The following TRPV1 variants were observed in gnomAD, a reference collection of about 807,000 sequenced individuals.
The protein encoded by TRPV1 is transient receptor potential cation channel subfamily V member 1, also known as OTRPC1.
Under a neutral mutation model 82.3 loss-of-function variants are expected in TRPV1, and 82 were observed. That is an observed-to-expected ratio of 1.00 (90% CI 0.83 to 1.20). TRPV1 has a LOEUF of 1.20. Ranked by LOEUF, TRPV1 falls within the 50% of genes most tolerant of loss-of-function variation. The pLI is 0.00. For missense variants in TRPV1, 1,067 were observed against 1,096.8 expected, an observed-to-expected ratio of 0.97 and a Z score of 0.38; for synonymous variants, 515 against 467.7, an observed-to-expected ratio of 1.10 and a Z score of -1.30.
chr17:3,584,048 A>T (rs1424118598), intron 9 of TRPV1, among the ~76,000 whole-genome samples: 2 of 151,866 alleles, frequency 1.3e-5, no homozygotes, highest in African/African-American at 4.8e-5. Flanking sequence ...AGGCGGGCGG[A>T]TCACCTGAGG....
chr17:3,576,061 C>CAAA (rs35246256), intron 13 of TRPV1, among the ~76,000 whole-genome samples: 2 of 144,542 alleles, frequency 1.4e-5, no homozygotes, highest in African/African-American at 5.1e-5. Context: ...ACTAAAAATA[C>CAAA]AAAAAAAAAA....
rs763767932 is a variant in TRPV1, at chr17:3,572,192, A to G, written c.2161T>C (p.Phe721Leu). 5 of 1,613,138 alleles carry G rather than the reference A, an allele frequency of 3.1e-6. No homozygotes were observed. The highest frequency in any genetic ancestry group is 4.2e-6 in the Non-Finnish European group (5 of 1,179,550). Residue 721 changes from phenylalanine (F) to leucine (L), a missense_variant, in exon 15 of 17, where the codon TTC becomes CTC. Phe to Leu is a conservative substitution (Grantham distance 22). Coordinates refer to ENST00000572705, the MANE Select transcript of TRPV1 (RefSeq NM_080704.4). Reference sequence around the variant, plus strand: ...ACCTGCAGCAGCTTGCCTGAGCGGAAGGCCTTCCTCATGCACTTAAGGAAG... The same window carrying G: ...ACCTGCAGCAGCTTGCCTGAGCGGAGGGCCTTCCTCATGCACTTAAGGAAG... ...KSFLKCMRKA[F>L]RSGKLLQVGY...
chr17:3,579,262 T>C (rs2074974513), intron 11 of TRPV1, among the ~76,000 whole-genome samples: 1 of 151,666 alleles, frequency 6.6e-6, no homozygotes, highest in South Asian at 2.1e-4. Flanking sequence ...AAAAAAAAAA[T>C]TGGGTTAAAG....
Position 3,573,803 on chromosome 17 carries a change from T to C in TRPV1, c.1933A>G (p.Met645Val). 1 of 1,613,728 alleles carries C rather than the reference T, an allele frequency of 6.2e-7. No individual in the cohort carries two copies. Among genetic ancestry groups the C allele is most frequent in the Non-Finnish European group, 8.5e-7 (1 of 1,179,838 alleles). The change falls in exon 14 of 17, where the codon ATG becomes GTG. Residue 645 changes from methionine to valine, a missense_variant. Transcript: ENST00000572705. ...TTCTCAGTGAACTCCAGGTCGCCCA[T>C]GCCGATGGTGAACTTGAACAGCTCC... The part of the protein sequence containing the change: ...CLELFKFTIG[M>V]GDLEFTENYD...
intron 2 of TRPV1, chr17:3,592,608 A>G: frequency 3.7e-6 from 2 of 534,742 alleles, no homozygotes; most frequent in East Asian, 3.2e-5. Context: ...TCCTGCGGCC[A>G]CTGACGTCGG....
In TRPV1 at chr17:3,573,906, C is replaced by G. The variant is rs201839980; in HGVS notation, c.1830G>C (p.Glu610Asp). 2.5e-6 allele frequency: 4 copies of G among 1,609,658 alleles called. No individual in the cohort carries two copies. The highest frequency in any genetic ancestry group is 3.4e-6 in the Non-Finnish European group (4 of 1,178,924). The change falls in exon 14 of 17, where the codon GAG (glutamate) becomes GAC (aspartate). Residue 610 changes from glutamate to aspartate, a missense_variant. By Grantham distance (45) the Glu-to-Asp change is conservative. Transcript: ENST00000572705. The part of the protein sequence containing the change: ...EDGKNDSLPS[E>D]STSHRWRGPA... ...GCCCCCGCCACCTGTGCGACGTGGA[C>G]TCAGACGGCAGGGAGTCATTCTTCC...
intron 8 of TRPV1, among the ~76,000 whole-genome samples, chr17:3,587,223 C>A (rs1045430766): frequency 1.3e-5 from 2 of 152,200 alleles, no homozygotes; most frequent in Non-Finnish European, 2.9e-5. Flanking sequence ...GAGTTGGAGG[C>A]CCAGGTTCAG....
At chr17:3,605,086 C>T (rs568764315) in intron 2 of TRPV1, among the ~76,000 whole-genome samples, 37 of 152,322 alleles carry the variant, frequency 2.4e-4, no homozygotes, top group Non-Finnish European at 4.4e-4. Flanking sequence ...GACCCCACTG[C>T]CTAGTTGCTA....
intron 2 of TRPV1, among the ~76,000 whole-genome samples, chr17:3,598,094 T>C (rs1461789197): frequency 1.3e-5 from 2 of 152,202 alleles, no homozygotes; most frequent in Non-Finnish European, 2.9e-5. Context: ...TAGGTTTCAT[T>C]CTCTCCCAGA....
rs2150818839 is a variant in TRPV1, at chr17:3,566,312, G to GA, written c.*502dup. 6.6e-6 allele frequency: 1 copy of GA among 152,324 alleles called. No homozygotes were observed. Among genetic ancestry groups the GA allele is most frequent in the East Asian group, 1.9e-4 (1 of 5,184 alleles). The allele number at this position is 152,324 out of a possible 1,614,324, so 9.4% of individuals were successfully genotyped here. A position where few individuals can be genotyped will look rare whatever the true frequency, so the allele number is the denominator to read the frequency against. ...TCGAGACCAGCCTGGCCAACATGGCGAAACCCCATATCTATTAAAAAAATA... is the reference window on the plus strand; with the variant it reads ...TCGAGACCAGCCTGGCCAACATGGCGAAAACCCCATATCTATTAAAAAAATA... On this transcript the variant is annotated 3_prime_UTR_variant, in exon 17 of 17. Transcript: ENST00000572705.
Position 3,573,866 on chromosome 17 carries a change from G to A in TRPV1, c.1870C>T (p.Pro624Ser). 6.2e-7 allele frequency: 1 copy of A among 1,612,300 alleles called. No individual in the cohort carries two copies. The highest frequency in any genetic ancestry group is 8.5e-7 in the Non-Finnish European group (1 of 1,179,556). Residue 624 changes from proline (P) to serine (S), a missense_variant, in exon 14 of 17, where the codon CCC becomes TCC. By Grantham distance (74) the Pro-to-Ser change is moderately conservative. Transcript: ENST00000572705. ...HRWRGPACRP[P>S]DSSYNSLYST... Reference sequence around the variant, plus strand: ...TACAGGCTGTTGTAGGAGCTATCGGGGGGCCTGCAGGCAGGCCCCCGCCAC... The same window carrying A: ...TACAGGCTGTTGTAGGAGCTATCGGAGGGCCTGCAGGCAGGCCCCCGCCAC...
Position 3,591,021 on chromosome 17 carries a change from GC to G in TRPV1, c.546del (p.Gln183LysfsTer5). 6.2e-7 allele frequency: 1 copy of G among 1,611,854 alleles called. No homozygotes were observed. Among genetic ancestry groups the G allele is most frequent in the Non-Finnish European group, 8.5e-7 (1 of 1,179,156 alleles). ...ACAAGCTCCTTCAGGCTGTCCGTTT[GC>G]CGCGCGATCTCCAGGAGCAGGGGGA... Reference protein sequence around the residue: ...TTIPLLLEIARQTDSLKELVN... With the variant: ...TTIPLLLEIAXQTDSLKELVN... On this transcript the variant is annotated frameshift_variant, in exon 5 of 17. Coordinates refer to ENST00000572705, the MANE Select transcript of TRPV1 (RefSeq NM_080704.4). LOFTEE classifies it high-confidence loss of function.
chr17:3,590,981 G>A lies in TRPV1; in HGVS notation c.587C>T (p.Thr196Met), dbSNP rs527475568. 5.0e-5 allele frequency: 81 copies of A among 1,607,592 alleles called. No individual in the cohort carries two copies. Among genetic ancestry groups the A allele is most frequent in the African/African-American group, 4.5e-4 (34 of 74,952 alleles). The change falls in exon 5 of 17, where the codon ACG (threonine) becomes ATG (methionine). Residue 196 changes from threonine to methionine, a missense_variant. Thr to Met is a moderately conservative substitution (Grantham distance 81). Coordinates refer to ENST00000572705, the MANE Select transcript of TRPV1 (RefSeq NM_080704.4). ...SLKELVNASY[T>M]DSYYKGQTAL... ...CTCCTCACCCTTGTAGTAGCTGTCC[G>A]TGTAGCTGGCGTTGACAAGCTCCTT...
intron 2 of TRPV1, among the ~76,000 whole-genome samples, chr17:3,602,909 G>A (rs1429040637): frequency 6.6e-6 from 1 of 152,162 alleles, no homozygotes; most frequent in African/African-American, 2.4e-5. Flanking sequence ...ATCGCCTGAG[G>A]TCGGGAGTTC....
chr17:3,583,373 A>G lies in TRPV1; in HGVS notation c.1441T>C (p.Ser481Pro), dbSNP rs1468008958. ...DYFRVTGEIL[S>P]VLGGVYFFFR... ...AAGAAGTAGACTCCTCCTAACACAGACAGGATCTCTCCAGTAACTCGGAAA... is the reference window on the plus strand; with the variant it reads ...AAGAAGTAGACTCCTCCTAACACAGGCAGGATCTCTCCAGTAACTCGGAAA... The change falls in exon 10 of 17, where the codon TCT becomes CCT. Residue 481 changes from serine to proline, a missense_variant. Coordinates refer to ENST00000572705, the MANE Select transcript of TRPV1 (RefSeq NM_080704.4). 2.5e-6 allele frequency: 4 copies of G among 1,610,668 alleles called. No individual in the cohort carries two copies. The highest frequency in any genetic ancestry group is 3.4e-6 in the Non-Finnish European group (4 of 1,178,428).
At chr17:3,577,016 G>A (rs145068132) in intron 13 of TRPV1, 110 bp downstream of exon 13, 17 of 1,130,368 alleles carry the variant, frequency 1.5e-5, no homozygotes, top group Non-Finnish European at 2.2e-5. Flanking sequence ...GTCACCTGCA[G>A]ACATGCACCT....
intron 14 of TRPV1, 91 bp downstream of exon 14, chr17:3,573,542 C>CCCCCCCCCCCCG: frequency 6.8e-6 from 1 of 147,062 alleles, no homozygotes; most frequent in African/African-American, 2.6e-5. Flanking sequence ...GCCCCCACCA[C>CCCCCCCCCCCCG]CCACCCACCT....
intron 2 of TRPV1, chr17:3,601,770 T>TG (rs1423666673): frequency 1.3e-5 from 2 of 151,362 alleles, no homozygotes; most frequent in Non-Finnish European, 2.9e-5. Context: ...ATTTTTTTTT[T>TG]TTTTTGGTAG....
intron 16 of TRPV1, among the ~76,000 whole-genome samples, chr17:3,568,436 A>G (rs1263474420): frequency 1.3e-5 from 2 of 152,230 alleles, no homozygotes; most frequent in Non-Finnish European, 2.9e-5. Context: ...GAGATCATCA[A>G]TAAGCATTAT....
Sources: allele counts gnomAD v4.1 joint callset (sites outside exome capture counted in the v4.1 genomes callset), GRCh38; gene constraint gnomAD v4.1.1; transcripts MANE v1.5; gene names NCBI Gene and HGNC (gene_info 2026-07-23, HGNC 2026-07-21).